The following FAM200A variants were observed in gnomAD, a reference collection of about 807,000 sequenced individuals.
The protein encoded by FAM200A is protein FAM200A.
Under a neutral mutation model 44.2 loss-of-function variants are expected in FAM200A, and 26 were observed. That is an observed-to-expected ratio of 0.59 (90% CI 0.43 to 0.82). The LOEUF is 0.82. Ranked by LOEUF, FAM200A falls within the 40% of genes least tolerant of loss-of-function variation. The probability of loss-of-function intolerance (pLI) is 0.00; values close to 1 mark genes in which losing one functional copy is unlikely to be tolerated. For missense variants in FAM200A, 606 were observed against 669.5 expected (o/e 0.91, Z 1.05); for synonymous variants, 206 against 244.4 (o/e 0.84, Z 1.47).
In FAM200A at chr7:99,546,638, C is replaced by A; in HGVS notation, c.*48G>T. ...GGTCTCCCACTGCTGGGATTACAGG[C>A]GTAAGCCACCACACCTGGCTATACA... is the stretch of plus-strand genomic sequence containing the variant. On this transcript the variant is annotated 3_prime_UTR_variant, in exon 2 of 2. Transcript: ENST00000449309. 2 of 1,456,626 alleles carry A rather than the reference C, an allele frequency of 1.4e-6. No individual in the cohort carries two copies. Among genetic ancestry groups the A allele is most frequent in the Non-Finnish European group, 1.8e-6 (2 of 1,106,532 alleles). 90.2% of individuals were successfully genotyped at this position (1,456,626 alleles called of 1,614,324 possible). A position where few individuals can be genotyped will look rare whatever the true frequency, so the allele number is the denominator to read the frequency against.
At chr7:99,550,296 A>G (rs552794150) in intron 1 of FAM200A, among the ~76,000 whole-genome samples, 6 of 152,060 alleles carry the variant, frequency 3.9e-5, no homozygotes, top group Non-Finnish European at 8.8e-5. Flanking sequence ...TTTTTAGTAG[A>G]TACGGGGTTT....
chr7:99,550,644 C>CT (rs1429730437), intron 1 of FAM200A, among the ~76,000 whole-genome samples: 1 of 152,168 alleles, frequency 6.6e-6, no homozygotes, highest in Non-Finnish European at 1.5e-5. Flanking sequence ...CATCCAAGAA[C>CT]ATCAATGGCA....
chr7:99,553,088 TATATATATA>T (rs1387392247), upstream of FAM200A, among the ~76,000 whole-genome samples: 2 of 100,508 alleles, frequency 2.0e-5, no homozygotes, highest in African/African-American at 1.2e-4. Context: ...TATATATATA[TATATATATA>T]TATTTTTTTT....
chr7:99,553,620 C>G (rs1203602590), upstream of FAM200A, among the ~76,000 whole-genome samples: 1 of 152,178 alleles, frequency 6.6e-6, no homozygotes, highest in Non-Finnish European at 1.5e-5. Context: ...CGAGGAGGCA[C>G]AAATTCTACA....
At chr7:99,549,452 G>A (rs1465522864) in intron 1 of FAM200A, among the ~76,000 whole-genome samples, 1 of 152,142 alleles carries the variant, frequency 6.6e-6, no homozygotes, top group Non-Finnish European at 1.5e-5. Context: ...TTGTTGGTGG[G>A]ACTGTAAACT....
intron 1 of FAM200A, among the ~76,000 whole-genome samples, chr7:99,549,920 G>T (rs1802489515): frequency 6.6e-6 from 1 of 151,902 alleles, no homozygotes; most frequent in Non-Finnish European, 1.5e-5. Context: ...AAGTGGGGAG[G>T]GATAGCATTA....
At chr7:99,548,610 T>A in intron 1 of FAM200A, 104 bp from the exon 2 acceptor site, 2 of 975,694 alleles carry the variant, frequency 2.0e-6, no homozygotes, top group East Asian at 2.7e-5. Context: ...TGTGACATGG[T>A]AAATGATGAG....
At chr7:99,553,022 T>C (rs926100842), upstream of FAM200A, among the ~76,000 whole-genome samples, 1 of 130,652 alleles carries the variant, frequency 7.7e-6, no homozygotes, top group African/African-American at 3.5e-5. Context: ...TATACACATA[T>C]ATATACATGT....
In FAM200A at chr7:99,548,201, A is replaced by T; in HGVS notation, c.207T>A (p.Tyr69Ter). 1.9e-6 allele frequency: 3 copies of T among 1,571,764 alleles called. No homozygotes were observed. The highest frequency in any genetic ancestry group is 2.6e-6 in the Non-Finnish European group (3 of 1,157,022). Residue 69 changes from tyrosine to a stop codon, truncating the protein, a stop_gained, in exon 2 of 2, where the codon TAT (tyrosine) becomes TAA (stop). Transcript: ENST00000449309. LOFTEE classifies it high-confidence loss of function. Reference protein sequence around the residue: ...RALLSSYLVAYRVAKEKMAHT... With the variant: ...RALLSSYLVA ...GAGCCATTTTCTCTTTTGCCACTCT[A>T]TATGCAACTAAATACGATGACAATA...
chr7:99,547,425 T>C lies in FAM200A; in HGVS notation c.983A>G (p.Gln328Arg). Residue 328 changes from glutamine to arginine, a missense_variant, in exon 2 of 2, where the codon CAA becomes CGA. By Grantham distance (43) the Gln-to-Arg change is conservative. Coordinates refer to ENST00000449309, the MANE Select transcript of FAM200A (RefSeq NM_145111.4). ...NEIYIFLVEK[Q>R]SHLANIFEDD... ...TTCAAAAATATTTGCCAAATGAGATTGCTTTTCAACGAGAAAAATGTAAAT... is the reference window on the plus strand; with the variant it reads ...TTCAAAAATATTTGCCAAATGAGATCGCTTTTCAACGAGAAAAATGTAAAT... 1 of 1,551,478 alleles carries C rather than the reference T, an allele frequency of 6.4e-7. No homozygotes were observed. The highest frequency in any genetic ancestry group is 1.2e-5 in the South Asian group (1 of 83,994).
chr7:99,553,070 CATAT>C (rs1178743418), upstream of FAM200A, among the ~76,000 whole-genome samples: 387 of 73,984 alleles, frequency 5.2e-3, 2 homozygotes, highest in East Asian at 9.9e-3. Context: ...TATACACACA[CATAT>C]ATATATATAT....
upstream of FAM200A, among the ~76,000 whole-genome samples, chr7:99,555,241 A>AATGAAG (rs1473194804): frequency 6.6e-6 from 1 of 152,206 alleles, no homozygotes; most frequent in African/African-American, 2.4e-5. Flanking sequence ...GAGAATGCCA[A>AATGAAG]ATGAAGATGA....
In FAM200A at chr7:99,546,814, T is replaced by C; in HGVS notation, c.1594A>G (p.Ile532Val). 6.4e-7 allele frequency: 1 copy of C among 1,551,686 alleles called. No homozygotes were observed. Among genetic ancestry groups the C allele is most frequent in the Non-Finnish European group, 8.7e-7 (1 of 1,147,000 alleles). The part of the protein sequence containing the change: ...TTYLCELGFS[I>V]LTRLKTKKRN... ...TTCTTTGTTTTTAACCGTGTCAAGA[T>C]TGAAAATCCTAGTTCACACAAATAT... The change falls in exon 2 of 2, where the codon ATC becomes GTC. Residue 532 changes from isoleucine (I) to valine (V), a missense_variant. Physicochemically the swap from Ile to Val is conservative, Grantham distance 29. Transcript: ENST00000449309.
upstream of FAM200A, among the ~76,000 whole-genome samples, chr7:99,553,554 G>A (rs1406279403): frequency 6.6e-6 from 1 of 152,198 alleles, no homozygotes; most frequent in Admixed American, 6.5e-5. Context: ...GTTTCCTAGA[G>A]GAAATGTTCT....
chr7:99,553,912 C>T (rs1045637472), upstream of FAM200A, among the ~76,000 whole-genome samples: 3 of 152,140 alleles, frequency 2.0e-5, no homozygotes, highest in Admixed American at 1.3e-4. Flanking sequence ...CCTTGGCTAT[C>T]GGTGGGTTCC....
chr7:99,549,858 T>C (rs978267571), intron 1 of FAM200A, among the ~76,000 whole-genome samples: 5 of 152,100 alleles, frequency 3.3e-5, no homozygotes, highest in East Asian at 3.9e-4. Flanking sequence ...ATGAGAACAC[T>C]TGGACACAGG....
chr7:99,557,089 C>T (rs747532828), upstream of FAM200A, among the ~76,000 whole-genome samples: 2 of 152,186 alleles, frequency 1.3e-5, no homozygotes, highest in Non-Finnish European at 2.9e-5. Context: ...TGAGTTGTTT[C>T]CACCTCTGTC....
upstream of FAM200A, among the ~76,000 whole-genome samples, chr7:99,552,691 A>G (rs997695698): frequency 1.3e-5 from 2 of 152,126 alleles, no homozygotes; most frequent in African/African-American, 4.8e-5. Flanking sequence ...CTATGATTAG[A>G]TCAAGAATAA....
In FAM200A at chr7:99,547,435, C is replaced by A. The variant is rs534569076; in HGVS notation, c.973G>T (p.Val325Phe). The A allele has an allele frequency of 1.3e-6, 2 of 1,551,288 alleles. No homozygotes were observed. Among genetic ancestry groups the A allele is most frequent in the Non-Finnish European group, 1.7e-6 (2 of 1,146,904 alleles). The change falls in exon 2 of 2, where the codon GTT (valine) becomes TTT (phenylalanine). Residue 325 changes from valine to phenylalanine, a missense_variant. Val to Phe is a conservative substitution (Grantham distance 50, BLOSUM62 -1). Coordinates refer to ENST00000449309, the MANE Select transcript of FAM200A (RefSeq NM_145111.4). ...ELRNEIYIFL[V>F]EKQSHLANIF... ...TTTGCCAAATGAGATTGCTTTTCAA[C>A]GAGAAAAATGTAAATCTCGTTCCTG...
Sources: gnomAD v4.1 joint callset for allele counts (sites outside exome capture counted in the v4.1 genomes callset) on GRCh38, gnomAD v4.1.1 for gene constraint, MANE v1.5 for transcripts, NCBI Gene and HGNC (gene_info 2026-07-23, HGNC 2026-07-21) for gene names.